RAB31: variants seen among roughly 807,000 people sequenced by gnomAD.
RAB31 encodes the protein RAB31, member RAS oncogene family.
A neutral mutation model predicts 25.6 loss-of-function variants in RAB31; 21 were observed. The observed-to-expected ratio is 0.82, with a 90% CI of 0.58 to 1.18. The LOEUF (loss-of-function observed/expected upper bound fraction) is 1.18. Ranked by LOEUF, RAB31 falls within the 50% of genes most tolerant of loss-of-function variation. The pLI is 0.00. For synonymous variants in RAB31, 87 were observed against 84.0 expected (o/e 1.04, Z -0.20); for missense variants, 196 against 250.1 (o/e 0.78, Z 1.46).
At chr18:9,748,535 T>C (rs1403431283) in intron 1 of RAB31, among the ~76,000 whole-genome samples, 11 of 151,372 alleles carry the variant, frequency 7.3e-5, no homozygotes, top group Admixed American at 7.2e-4. Flanking sequence ...TTATATAGAT[T>C]AGCCTAAAGA....
At chr18:9,835,637 G>T (rs1009205128) in intron 5 of RAB31, among the ~76,000 whole-genome samples, 32 of 152,192 alleles carry the variant, frequency 2.1e-4, no homozygotes, top group African/African-American at 6.8e-4. Context: ...CTGGTACACG[G>T]TTGTCAAGTG....
At chr18:9,716,021 A>G (rs900942923) in intron 1 of RAB31, among the ~76,000 whole-genome samples, 6 of 152,212 alleles carry the variant, frequency 3.9e-5, no homozygotes, top group African/African-American at 1.4e-4. Flanking sequence ...TATCAAACAT[A>G]TGGTCCATGT....
At chr18:9,778,130 CGTAA>C (rs901574154) in intron 2 of RAB31, among the ~76,000 whole-genome samples, 3 of 152,058 alleles carry the variant, frequency 2.0e-5, no homozygotes, top group African/African-American at 7.2e-5. Flanking sequence ...AAATGACAAG[CGTAA>C]GTGTTAAGCA....
intron 5 of RAB31, among the ~76,000 whole-genome samples, chr18:9,845,196 G>A (rs2068755027): frequency 6.6e-6 from 1 of 152,170 alleles, no homozygotes; most frequent in Non-Finnish European, 1.5e-5. Context: ...ACAAAAGCAT[G>A]TGTGCACAAA....
intron 1 of RAB31, among the ~76,000 whole-genome samples, chr18:9,759,687 A>T (rs141383368): frequency 1.2e-3 from 184 of 152,296 alleles, no homozygotes; most frequent in Non-Finnish European, 2.3e-3. Context: ...GTCAAGACAG[A>T]GAGACAGGAG....
At chr18:9,808,747 C>T (rs768392311) in intron 3 of RAB31, among the ~76,000 whole-genome samples, 4 of 152,196 alleles carry the variant, frequency 2.6e-5, no homozygotes, top group Non-Finnish European at 4.4e-5. Context: ...AGGGACAGAG[C>T]GTCCTCTGGA....
intron 5 of RAB31, among the ~76,000 whole-genome samples, chr18:9,824,736 G>T (rs1048058842): frequency 1.3e-5 from 2 of 152,236 alleles, no homozygotes; most frequent in Admixed American, 1.3e-4. Flanking sequence ...GAGGCATCCG[G>T]TCAGGTACAC....
rs1162100116 is a variant in RAB31, at chr18:9,708,894, G to C, written c.39+450G>C. ...CCTCCGCTTTTGATAGTTTCCTTCC[G>C]GCAGAAAGTTTAAGTTGCTCAGCCA... On this transcript the variant is annotated intron_variant, in intron 1 of 6. Coordinates refer to ENST00000578921, the MANE Select transcript of RAB31 (RefSeq NM_006868.4). This position sits in a 1 kb window ranked among gnomAD's most constrained non-coding sequence, Gnocchi z 6.4. Among the ~76,000 whole-genome samples the C allele has an allele frequency of 1.3e-5, 2 of 152,222 alleles. No individual in the cohort carries two copies. The highest frequency in any genetic ancestry group is 4.8e-5 in the African/African-American group (2 of 41,450).
At position 9,810,101 on chromosome 18, in the gene RAB31, G is replaced by A. The variant is rs542614481; in HGVS notation, c.202-3919G>A. Among the ~76,000 whole-genome samples, 57 of 152,286 alleles carry A rather than the reference G, an allele frequency of 3.7e-4. No individual in the cohort carries two copies. In the South Asian group the frequency reaches 7.7e-3, roughly 20 times the overall value. ...CTGGGTTTTCACAGTTCCCTGTGCCGTTTCTAAATAATTGAATGACATCTG... is the reference window on the plus strand; with the variant it reads ...CTGGGTTTTCACAGTTCCCTGTGCCATTTCTAAATAATTGAATGACATCTG... On this transcript the variant is annotated intron_variant, in intron 3 of 6. Transcript: ENST00000578921.
At chr18:9,805,603 A>G (rs547876948) in intron 3 of RAB31, among the ~76,000 whole-genome samples, 1 of 152,330 alleles carries the variant, frequency 6.6e-6, no homozygotes, top group African/African-American at 2.4e-5. Flanking sequence ...AACCTAACAT[A>G]GTCACAGGTG....
chr18:9,855,309 TTAAAA>T (rs1263463562), intron 6 of RAB31, among the ~76,000 whole-genome samples: 3 of 152,170 alleles, frequency 2.0e-5, no homozygotes, highest in Admixed American at 2.0e-4. Context: ...CCAAACCCTA[TTAAAA>T]TAAACACTCT....
chr18:9,714,195 G>A (rs34256602), intron 1 of RAB31, among the ~76,000 whole-genome samples: 10,466 of 152,286 alleles, frequency 0.069, 629 homozygotes, highest in East Asian at 0.31. Flanking sequence ...TAGGACAGTG[G>A]TCCCCAACCT....
rs546679989 is a variant in RAB31 at position 9,807,965 on chromosome 18, G to A, written c.202-6055G>A. Among the ~76,000 whole-genome samples the A allele has an allele frequency of 1.2e-4, 18 of 152,292 alleles. No individual in the cohort carries two copies. In the South Asian group the frequency reaches 2.9e-3, roughly 25 times the overall value. ...TGTACTCCATCCTGGACGACAGAGCGAGACCCTGTCCCAGTCAATCAATAA... is the reference window on the plus strand; with the variant it reads ...TGTACTCCATCCTGGACGACAGAGCAAGACCCTGTCCCAGTCAATCAATAA... On this transcript the variant is annotated intron_variant, in intron 3 of 6. Coordinates refer to ENST00000578921, the MANE Select transcript of RAB31 (RefSeq NM_006868.4).
intron 4 of RAB31, 51 bp downstream of exon 4, chr18:9,814,142 C>G: frequency 8.3e-6 from 11 of 1,322,890 alleles, no homozygotes; most frequent in Non-Finnish European, 1.1e-5. Flanking sequence ...GGTTCTCTCA[C>G]TTAGAGAGAC....
At chr18:9,857,452 C>T (rs1487151898) in intron 6 of RAB31, among the ~76,000 whole-genome samples, 1 of 151,968 alleles carries the variant, frequency 6.6e-6, no homozygotes, top group Admixed American at 6.6e-5. Flanking sequence ...TCAGATTCTC[C>T]TCTTACTGGT....
intron 5 of RAB31, among the ~76,000 whole-genome samples, chr18:9,836,535 T>A (rs146886071): frequency 6.6e-6 from 1 of 152,372 alleles, no homozygotes; most frequent in East Asian, 1.9e-4. Flanking sequence ...AATATCAGAC[T>A]TGACTTTTTA....
At chr18:9,749,407 AG>A (rs1246102634) in intron 1 of RAB31, among the ~76,000 whole-genome samples, 1 of 152,208 alleles carries the variant, frequency 6.6e-6, no homozygotes, top group Non-Finnish European at 1.5e-5. Flanking sequence ...AAGAGATTTA[AG>A]TTCTGTGTGT....
At chr18:9,795,038 A>G (rs2068480146) in intron 3 of RAB31, among the ~76,000 whole-genome samples, 1 of 152,226 alleles carries the variant, frequency 6.6e-6, no homozygotes. Context: ...TGGTATAAAA[A>G]TAGGCATGTA....
chr18:9,827,020 C>T (rs371435752), intron 5 of RAB31, among the ~76,000 whole-genome samples: 7 of 152,068 alleles, frequency 4.6e-5, no homozygotes, highest in African/African-American at 7.2e-5. Flanking sequence ...CCATACATTC[C>T]GCATAGCAGG....
Sources: gnomAD v4.1 joint callset for allele counts (sites outside exome capture counted in the v4.1 genomes callset) on GRCh38, gnomAD v4.1.1 for gene constraint, Gnocchi (gnomAD v3.1) non-coding constraint, MANE v1.5 for transcripts, NCBI Gene and HGNC (gene_info 2026-07-23, HGNC 2026-07-21) for gene names.